LRMDA: variants seen among roughly 807,000 people sequenced by gnomAD.
LRMDA encodes the protein leucine rich melanocyte differentiation associated.
Under a neutral mutation model 29.8 loss-of-function variants are expected in LRMDA, and 18 were observed. The observed-to-expected ratio is 0.60, with a 90% CI of 0.42 to 0.90. The LOEUF (loss-of-function observed/expected upper bound fraction) is 0.90. Among genes scored for constraint, LRMDA ranks in the 40% least tolerant of loss-of-function variants. The pLI is 0.00. For missense variants in LRMDA, 273 were observed against 273.9 expected (o/e 1.00, Z 0.02); for synonymous variants, 125 against 109.4 (o/e 1.14, Z -0.89).
At chr10:75,952,684 G>A (rs1846596772) in intron 2 of LRMDA, among the ~76,000 whole-genome samples, 1 of 152,174 alleles carries the variant, frequency 6.6e-6, no homozygotes, top group Non-Finnish European at 1.5e-5. Context: ...AGGACAAACG[G>A]GTTGGGAAGT....
intron 2 of LRMDA, among the ~76,000 whole-genome samples, chr10:75,438,969 T>G (rs1344816014): frequency 3.3e-5 from 5 of 152,204 alleles, no homozygotes; most frequent in Admixed American, 2.6e-4. Context: ...TTTTTATGAA[T>G]GGGAGCTTTA....
At chr10:76,309,098 C>T (rs538065742) in intron 5 of LRMDA, among the ~76,000 whole-genome samples, 35 of 152,092 alleles carry the variant, frequency 2.3e-4, no homozygotes, top group Admixed American at 1.5e-3. Flanking sequence ...TTCTATTATC[C>T]GTGGCTTCCC....
intron 6 of LRMDA, among the ~76,000 whole-genome samples, chr10:76,510,350 C>A (rs1282040435): frequency 6.6e-6 from 1 of 152,128 alleles, no homozygotes. Context: ...GGATTACAGG[C>A]GTGAGCCACC....
chr10:75,800,584 A>G (rs918065109), intron 2 of LRMDA, among the ~76,000 whole-genome samples: 5 of 152,126 alleles, frequency 3.3e-5, no homozygotes, highest in Middle Eastern at 3.4e-3. Context: ...TTACCTTTCA[A>G]TTACAGAATT....
rs954136538 is a variant in LRMDA at position 76,198,803 on chromosome 10, T to A, written c.517-125598T>A. Among the ~76,000 whole-genome samples, 5 of 152,218 alleles carry A rather than the reference T, an allele frequency of 3.3e-5. No individual in the cohort carries two copies. In the South Asian group the frequency reaches 8.3e-4, roughly 25 times the overall value. On this transcript the variant is annotated intron_variant, in intron 5 of 6. Transcript: ENST00000611255. ...CATTCCTTTTATTGTAGAGTGTATT[T>A]CTTTAAAGTGACAGGTTTTATTTTT...
intron 2 of LRMDA, among the ~76,000 whole-genome samples, chr10:75,561,330 T>C (rs1337382649): frequency 1.3e-5 from 2 of 148,986 alleles, no homozygotes; most frequent in African/African-American, 4.9e-5. Context: ...GTAGAGGTGT[T>C]TGTAGTATTC....
intron 2 of LRMDA, among the ~76,000 whole-genome samples, chr10:75,998,225 T>C (rs187951760): frequency 1.2e-4 from 18 of 152,294 alleles, no homozygotes; most frequent in Admixed American, 3.9e-4. Context: ...GTGGACCCCT[T>C]TGTATTCCTA....
At chr10:75,753,503 G>A (rs1842991374) in intron 2 of LRMDA, among the ~76,000 whole-genome samples, 1 of 152,196 alleles carries the variant, frequency 6.6e-6, no homozygotes, top group Non-Finnish European at 1.5e-5. Context: ...AAGCTCAGAA[G>A]TGTGTGTGGG....
At chr10:76,544,811 A>G (rs750775236) in intron 6 of LRMDA, among the ~76,000 whole-genome samples, 5 of 152,020 alleles carry the variant, frequency 3.3e-5, no homozygotes, top group Admixed American at 6.6e-5. Flanking sequence ...AATTATGAAC[A>G]TATTTTACCA....
At chr10:76,425,948 T>C (rs569044514) in intron 6 of LRMDA, among the ~76,000 whole-genome samples, 54 of 152,338 alleles carry the variant, frequency 3.5e-4, no homozygotes, top group African/African-American at 1.3e-3. Flanking sequence ...TTTTTATGGC[T>C]GCATAGTATT....
At chr10:76,017,088 C>G (rs1386497481) in intron 2 of LRMDA, among the ~76,000 whole-genome samples, 1 of 152,254 alleles carries the variant, frequency 6.6e-6, no homozygotes, top group Non-Finnish European at 1.5e-5. Context: ...AGCGCTCATA[C>G]TGGAGCAGGG....
intron 2 of LRMDA, among the ~76,000 whole-genome samples, chr10:75,538,758 T>C (rs1839982484): frequency 6.6e-6 from 1 of 152,176 alleles, no homozygotes; most frequent in South Asian, 2.1e-4. Flanking sequence ...CAGAGAGACT[T>C]TATGCATGTT....
At chr10:76,143,489 T>C (rs1255339714) in intron 5 of LRMDA, among the ~76,000 whole-genome samples, 1 of 152,176 alleles carries the variant, frequency 6.6e-6, no homozygotes, top group Admixed American at 6.5e-5. Context: ...ATAAATGTCT[T>C]CTTTTGAGAA....
intron 2 of LRMDA, among the ~76,000 whole-genome samples, chr10:75,852,935 A>G (rs1042351383): frequency 6.6e-6 from 1 of 152,200 alleles, no homozygotes; most frequent in African/African-American, 2.4e-5. Context: ...GGAAACTTAC[A>G]ATCATGTCAA....
chr10:75,832,469 C>T (rs1844362587), intron 2 of LRMDA, among the ~76,000 whole-genome samples: 1 of 152,180 alleles, frequency 6.6e-6, no homozygotes, highest in Non-Finnish European at 1.5e-5. Context: ...TTCAACAAGT[C>T]TCTAGGGATT....
chr10:75,459,342 G>A (rs1013136079), intron 2 of LRMDA, among the ~76,000 whole-genome samples: 3 of 152,090 alleles, frequency 2.0e-5, no homozygotes, highest in Non-Finnish European at 2.9e-5. Context: ...AGGCTGAGGT[G>A]GGAGGATTGC....
intron 2 of LRMDA, among the ~76,000 whole-genome samples, chr10:75,696,183 C>T (rs1321125045): frequency 6.6e-6 from 1 of 152,216 alleles, no homozygotes; most frequent in Admixed American, 6.5e-5. Flanking sequence ...AGTTATGCTG[C>T]AGTAACAACC....
chr10:76,196,607 A>G (rs1231615860), intron 5 of LRMDA, among the ~76,000 whole-genome samples: 1 of 152,224 alleles, frequency 6.6e-6, no homozygotes, highest in East Asian at 1.9e-4. Context: ...AGGACAGAAT[A>G]CTGGGCCAGA....
intron 2 of LRMDA, among the ~76,000 whole-genome samples, chr10:75,579,723 A>C (rs1840560957): frequency 6.6e-6 from 1 of 152,220 alleles, no homozygotes; most frequent in South Asian, 2.1e-4. Context: ...CTTATCTACC[A>C]TGATCAAGTC....
Sources: allele counts gnomAD v4.1 joint callset (sites outside exome capture counted in the v4.1 genomes callset), GRCh38; gene constraint gnomAD v4.1.1; transcripts MANE v1.5; gene names NCBI Gene and HGNC (gene_info 2026-07-23, HGNC 2026-07-21).